SPAG16: variants seen among roughly 807,000 people sequenced by gnomAD.
SPAG16 encodes sperm associated antigen 16.
In SPAG16, 86 loss-of-function variants were observed where a neutral mutation model predicts 80.4. The ratio of observed to expected loss-of-function variants is 1.07; its 90% CI spans 0.90 to 1.28. SPAG16 has a LOEUF of 1.28. Among genes scored for constraint, SPAG16 ranks in the 50% most tolerant of loss-of-function variants. The probability of loss-of-function intolerance (pLI) is 0.00; values close to 1 mark genes in which losing one functional copy is unlikely to be tolerated. For missense variants in SPAG16, 870 were observed against 765.3 expected, an observed-to-expected ratio of 1.14 and a Z score of -1.61; for synonymous variants, 294 against 265.9, an observed-to-expected ratio of 1.11 and a Z score of -1.03.
chr2:213,576,688 C>G (rs926658596), intron 10 of SPAG16, among the ~76,000 whole-genome samples: 1 of 152,038 alleles, frequency 6.6e-6, no homozygotes, highest in African/African-American at 2.4e-5. Context: ...ATGGATGGAG[C>G]TGGAGGCCAT....
At chr2:213,524,462 C>A (rs1315635029) in intron 10 of SPAG16, among the ~76,000 whole-genome samples, 1 of 152,132 alleles carries the variant, frequency 6.6e-6, no homozygotes, top group Non-Finnish European at 1.5e-5. Flanking sequence ...ATGGTAGGTC[C>A]ACTGACAGTT....
intron 15 of SPAG16, among the ~76,000 whole-genome samples, chr2:214,259,549 C>T (rs1042046262): frequency 6.0e-5 from 9 of 150,022 alleles, no homozygotes; most frequent in Non-Finnish European, 7.4e-5. Context: ...ACCCCTCCCC[C>T]ACACACGTTT....
intron 15 of SPAG16, among the ~76,000 whole-genome samples, chr2:214,264,921 G>A (rs949083335): frequency 6.6e-6 from 1 of 152,034 alleles, no homozygotes; most frequent in African/African-American, 2.4e-5. Context: ...AAGCAATATG[G>A]ATTCAAGGTT....
chr2:213,924,012 T>TTGCC (rs2078346076), intron 11 of SPAG16: 1 of 152,390 alleles, frequency 6.6e-6, no homozygotes. Flanking sequence ...CTAGTAAGCA[T>TTGCC]TGCCTGCCTG....
chr2:213,827,658 T>C (rs1159421719), intron 10 of SPAG16, among the ~76,000 whole-genome samples: 1 of 152,156 alleles, frequency 6.6e-6, no homozygotes, highest in Non-Finnish European at 1.5e-5. Context: ...CATTAACACA[T>C]TTCTTTCTGA....
intron 12 of SPAG16, among the ~76,000 whole-genome samples, chr2:213,949,179 T>TTTTTTGTTTTGTTTTTTTTTTTTTTG (rs2079609920): frequency 2.8e-5 from 1 of 36,244 alleles, no homozygotes; most frequent in Non-Finnish European, 5.5e-5. Flanking sequence ...GTTTTTTTTT[T>TTTTTTGTTTTGTTTTTTTTTTTTTTG]TTTTTTTTTT....
chr2:213,932,949 A>ACACACAC (rs2078830984), intron 12 of SPAG16, among the ~76,000 whole-genome samples: 1 of 143,944 alleles, frequency 6.9e-6, no homozygotes, highest in Non-Finnish European at 1.5e-5. Context: ...GTTGTTTGAA[A>ACACACAC]ACACACACAC....
intron 10 of SPAG16, among the ~76,000 whole-genome samples, chr2:213,783,247 A>G (rs1575124891): frequency 6.6e-6 from 1 of 151,454 alleles, no homozygotes; most frequent in East Asian, 1.9e-4. Context: ...TTATGGCTGC[A>G]TAGTATTCCA....
intron 10 of SPAG16, among the ~76,000 whole-genome samples, chr2:213,676,332 G>C (rs2064073620): frequency 6.6e-6 from 1 of 151,910 alleles, no homozygotes; most frequent in Non-Finnish European, 1.5e-5. Flanking sequence ...CTGCAAACAG[G>C]GACAATTTGA....
chr2:213,797,711 T>A (rs759898924), intron 10 of SPAG16, among the ~76,000 whole-genome samples: 45 of 152,378 alleles, frequency 3.0e-4, no homozygotes, highest in Non-Finnish European at 5.3e-4. Flanking sequence ...ATTTTGTTTA[T>A]TCATTCACTA....
intron 10 of SPAG16, among the ~76,000 whole-genome samples, chr2:213,827,070 T>C (rs2073350008): frequency 6.6e-6 from 1 of 151,974 alleles, no homozygotes; most frequent in Admixed American, 6.6e-5. Context: ...TTTCTTCTTA[T>C]GTGTATCTTT....
chr2:213,426,189 T>G (rs2069901312), intron 9 of SPAG16, among the ~76,000 whole-genome samples: 1 of 152,196 alleles, frequency 6.6e-6, no homozygotes, highest in Non-Finnish European at 1.5e-5. Context: ...AGAAGGACAC[T>G]AATTCTTGTC....
chr2:213,583,506 A>T (rs1984609), intron 10 of SPAG16, among the ~76,000 whole-genome samples: 54,673 of 151,962 alleles, frequency 0.36, 10,063 homozygotes, highest in Middle Eastern at 0.47. Context: ...GCATTTTTCC[A>T]CTCACATGTG....
chr2:214,194,406 T>C (rs557179131), intron 15 of SPAG16, among the ~76,000 whole-genome samples: 1 of 152,180 alleles, frequency 6.6e-6, no homozygotes, highest in Admixed American at 6.6e-5. Context: ...TATTCTAGTT[T>C]GTATGTTTGG....
chr2:214,332,409 G>A lies in SPAG16; in HGVS notation c.1721-77731G>A, dbSNP rs1192656295. ...TCTGTTCCTGGCACCACAGCTACTG[G>A]GGTGGCTGATGGAAGATACTGGCTG... On this transcript the variant is annotated intron_variant, in intron 15 of 15. Transcript: ENST00000331683. 2.0e-5 allele frequency among the ~76,000 whole-genome samples: 3 copies of A among 152,188 alleles called. No individual in the cohort carries two copies. The East Asian group carries it at 5.8e-4, about 29-fold the overall frequency.
intron 10 of SPAG16, among the ~76,000 whole-genome samples, chr2:213,812,572 G>A (rs2072238630): frequency 1.3e-5 from 2 of 152,158 alleles, no homozygotes; most frequent in Admixed American, 1.3e-4. Flanking sequence ...AGGGTGCAGG[G>A]CAGTGCATTA....
At chr2:213,639,889 T>C (rs1283966150) in intron 10 of SPAG16, among the ~76,000 whole-genome samples, 1 of 152,194 alleles carries the variant, frequency 6.6e-6, no homozygotes, top group Non-Finnish European at 1.5e-5. Flanking sequence ...ATTCTTAAGT[T>C]TGTTCAATAA....
intron 15 of SPAG16, among the ~76,000 whole-genome samples, chr2:214,208,557 T>C (rs769953227): frequency 3.9e-5 from 6 of 152,162 alleles, no homozygotes; most frequent in Non-Finnish European, 8.8e-5. Flanking sequence ...CATAGTATAA[T>C]AGTATAATAG....
chr2:214,193,395 A>ATGTGTGTGTGTGTGTGTGTG (rs60839638), intron 15 of SPAG16, among the ~76,000 whole-genome samples: 1 of 124,358 alleles, frequency 8.0e-6, no homozygotes, highest in Non-Finnish European at 1.8e-5. Context: ...GAGATCTTTT[A>ATGTGTGTGTGTGTGTGTGTG]TGTGTGTGTG....
Sources: allele counts gnomAD v4.1 joint callset (sites outside exome capture counted in the v4.1 genomes callset), GRCh38; gene constraint gnomAD v4.1.1; transcripts MANE v1.5; gene names NCBI Gene and HGNC (gene_info 2026-07-23, HGNC 2026-07-21).